Variants in USP8 observed in about 807,000 individuals in gnomAD.
USP8 encodes the protein ubiquitin specific peptidase 8.
Under a neutral mutation model 130.0 loss-of-function variants are expected in USP8, and 27 were observed. The observed-to-expected ratio is 0.21, with a 90% CI of 0.15 to 0.29. USP8 has a LOEUF of 0.29. Ranked by LOEUF, USP8 falls within the 10% of genes least tolerant of loss-of-function variation. USP8 has a pLI of 1.00. For synonymous variants in USP8, 392 were observed against 444.1 expected, an observed-to-expected ratio of 0.88 and a Z score of 1.48; for missense variants, 1,029 against 1,312.2, an observed-to-expected ratio of 0.78 and a Z score of 3.33.
chr15:50,442,573 A>G (rs2050295398), intron 3 of USP8, among the ~76,000 whole-genome samples: 1 of 150,040 alleles, frequency 6.7e-6, no homozygotes, highest in Non-Finnish European at 1.5e-5. Context: ...GTGAAACCCC[A>G]TCTGTACTAA....
At position 50,511,309 on chromosome 15, in the gene USP8, A is replaced by T. The variant is rs2052736961; in HGVS notation, c.*12221A>T. Reference sequence around the variant, plus strand: ...GAGGATGTGGGGAAACTGGAACCTTAGTTCCAGTTGCTGGTGGGAACGTAA... The same window carrying T: ...GAGGATGTGGGGAAACTGGAACCTTTGTTCCAGTTGCTGGTGGGAACGTAA... On this transcript the variant is annotated 3_prime_UTR_variant, in exon 20 of 20. Transcript: ENST00000307179. 6.6e-6 allele frequency: 1 copy of T among 152,180 alleles called. No homozygotes were observed. Among genetic ancestry groups the T allele is most frequent in the African/African-American group, 2.4e-5 (1 of 41,450 alleles). 9.4% of individuals were successfully genotyped at this position (152,180 alleles called of 1,614,324 possible).
intron 4 of USP8, among the ~76,000 whole-genome samples, chr15:50,455,372 CCAGCCCAATTCTAGAATTTCTGTG>C (rs2050758431): frequency 1.3e-5 from 2 of 151,604 alleles, no homozygotes; most frequent in East Asian, 2.0e-4. Flanking sequence ...GCCACTGCGC[CCAGCCCAATTCTAGAATTTCTGTG>C]TGGTTCTTTT....
chr15:50,491,090 T>G (rs554431941), intron 14 of USP8, among the ~76,000 whole-genome samples: 42 of 152,342 alleles, frequency 2.8e-4, no homozygotes, highest in African/African-American at 9.4e-4. Context: ...TTAGCTATAC[T>G]TCTGGCTTCG....
At chr15:50,491,038 C>T (rs898466166) in intron 14 of USP8, among the ~76,000 whole-genome samples, 1 of 152,062 alleles carries the variant, frequency 6.6e-6, no homozygotes, top group Non-Finnish European at 1.5e-5. Flanking sequence ...ATTCTGTTTA[C>T]AAATATTGAC....
rs941161267 is a variant in USP8 at position 50,441,470 on chromosome 15, A to G, written c.226A>G (p.Arg76Gly). ...YVTVYNLIKK[R>G]PDFKQQQDYF... ...GACTGTTTATAATCTTATCAAAAAA[A>G]GACCTGATTTCAAGCAACAGCAGGT... Residue 76 changes from arginine to glycine, a missense_variant, in exon 3 of 20, where the codon AGA becomes GGA. Arg to Gly is a moderately radical substitution (Grantham distance 125). Around this residue, in one of 4 missense-constraint regions of USP8, gnomAD observed 281 missense variants for 336.7 expected, o/e 0.83. Coordinates refer to ENST00000307179, the MANE Select transcript of USP8 (RefSeq NM_005154.5). The G allele has an allele frequency of 1.3e-6, 2 of 1,575,704 alleles. No individual in the cohort carries two copies. Among genetic ancestry groups the G allele is most frequent in the African/African-American group, 2.8e-5 (2 of 72,340 alleles).
At position 50,500,725 on chromosome 15, in the gene USP8, G is replaced by T. The variant is rs1486203794; in HGVS notation, c.*1637G>T. ...CAGGAGATCCATAGCATTTTGAACA[G>T]AAGTATCTGGAATCTCACTGACTCG... On this transcript the variant is annotated 3_prime_UTR_variant, in exon 20 of 20. Coordinates refer to ENST00000307179, the MANE Select transcript of USP8 (RefSeq NM_005154.5). 2.0e-6 allele frequency: 3 copies of T among 1,532,952 alleles called. No homozygotes were observed. The East Asian group carries it at 7.2e-5, about 37-fold the overall frequency. 95.0% of individuals were successfully genotyped at this position (1,532,952 alleles called of 1,614,324 possible). A position where few individuals can be genotyped will look rare whatever the true frequency, so the allele number is the denominator to read the frequency against.
chr15:50,476,867 C>A lies in USP8; in HGVS notation c.868C>A (p.Leu290Met). 23 of 1,583,828 alleles carry A rather than the reference C, an allele frequency of 1.5e-5. No homozygotes were observed. Among genetic ancestry groups the A allele is most frequent in the Non-Finnish European group, 1.9e-5 (22 of 1,173,362 alleles). The change falls in exon 9 of 20, where the codon CTG becomes ATG. Residue 290 changes from leucine (L) to methionine (M), a missense_variant. Around this residue, in one of 4 missense-constraint regions of USP8, gnomAD observed 281 missense variants for 336.7 expected, o/e 0.83. Coordinates refer to ENST00000307179, the MANE Select transcript of USP8 (RefSeq NM_005154.5). The part of the protein sequence containing the change: ...ALFKWESKTV[L>M]RNEPLVLEGG... ...TTTATAGTGGGAAAGTAAAACTGTC[C>A]TGCGCAATGAGCCTTTGGTTTTAGA...
intron 4 of USP8, chr15:50,458,477 A>C (rs1470139675): frequency 6.4e-6 from 1 of 156,962 alleles, no homozygotes; most frequent in African/African-American, 2.4e-5. Context: ...GAATAGTTCT[A>C]AATTCCTCAG....
intron 8 of USP8, 75 bp from the exon 9 acceptor site, chr15:50,476,774 A>G (rs146266605): frequency 0.011 from 16,103 of 1,440,958 alleles, 149 homozygotes; most frequent in Middle Eastern, 0.039. Flanking sequence ...GAACAACTTT[A>G]AAATTTAGAT....
chr15:50,484,343 C>T lies in USP8; in HGVS notation c.1872C>T (p.Asp624=), dbSNP rs375855680. Residue 624 remains aspartate (D), a synonymous_variant, in exon 12 of 20, where the codon GAC becomes GAT. Coordinates refer to ENST00000307179, the MANE Select transcript of USP8 (RefSeq NM_005154.5). ...CAGGAACTTTTAGAGAGGATACAGA[C>T]GATACCGAAAGAAATAAAGTAAGTA... ...LRTGTFREDT[D]DTERNKAQRE... is the part of the protein sequence containing the mutation. 64 of 1,610,772 alleles carry T rather than the reference C, an allele frequency of 4.0e-5. No individual in the cohort carries two copies. Among genetic ancestry groups the T allele is most frequent in the African/African-American group, 3.1e-4 (23 of 74,542 alleles).
At chr15:50,462,767 G>C (rs1307010542) in intron 6 of USP8, among the ~76,000 whole-genome samples, 1 of 152,018 alleles carries the variant, frequency 6.6e-6, no homozygotes, top group East Asian at 1.9e-4. Flanking sequence ...GATAATAATA[G>C]TACTTATTTC....
intron 5 of USP8, among the ~76,000 whole-genome samples, chr15:50,460,301 C>CTTTT (rs1168064692): frequency 7.5e-4 from 58 of 77,372 alleles, no homozygotes; most frequent in Non-Finnish European, 8.5e-4. Flanking sequence ...CCTGGCTCTT[C>CTTTT]TTTTTTTTTT....
In USP8 at chr15:50,500,812, C is replaced by G. The variant is rs75814199; in HGVS notation, c.*1724C>G. The G allele has an allele frequency of 1.3e-3, 2,000 of 1,587,720 alleles. 27 individuals carry two copies. The African/African-American group carries it at 0.024, about 19-fold the overall frequency. On this transcript the variant is annotated 3_prime_UTR_variant, in exon 20 of 20. Coordinates refer to ENST00000307179, the MANE Select transcript of USP8 (RefSeq NM_005154.5). Reference sequence around the variant, plus strand: ...ATTCTTGCAGAAAGCAGTGTAGTGGCCACCATCCAAATCACCAAAATGGTT... The same window carrying G: ...ATTCTTGCAGAAAGCAGTGTAGTGGGCACCATCCAAATCACCAAAATGGTT...
At chr15:50,455,223 A>C (rs555771687) in intron 4 of USP8, among the ~76,000 whole-genome samples, 1 of 151,228 alleles carries the variant, frequency 6.6e-6, no homozygotes, top group South Asian at 2.1e-4. Flanking sequence ...CTACAGATGC[A>C]CACCACCAGG....
chr15:50,440,446 A>G (rs931259897), intron 2 of USP8, among the ~76,000 whole-genome samples: 4 of 152,194 alleles, frequency 2.6e-5, no homozygotes, highest in African/African-American at 9.6e-5. Flanking sequence ...CCTTTTTGGC[A>G]CCAGGGACTG....
intron 3 of USP8, among the ~76,000 whole-genome samples, chr15:50,448,580 C>T (rs1172092311): frequency 1.3e-5 from 2 of 151,154 alleles, no homozygotes. Context: ...AGTGCAGTGG[C>T]GCAATCTCGG....
chr15:50,477,092 T>C lies in USP8; in HGVS notation c.994+99T>C. Reference sequence around the variant, plus strand: ...CTTGGTTGTGTGTGTATTTGTCCTATTAGAGAGCAGTTTGTTTTCAGGCAT... The same window carrying C: ...CTTGGTTGTGTGTGTATTTGTCCTACTAGAGAGCAGTTTGTTTTCAGGCAT... On this transcript the variant is annotated intron_variant, in intron 9 of 19. Transcript: ENST00000307179. The C allele has an allele frequency of 2.0e-6, 3 of 1,478,840 alleles. No individual in the cohort carries two copies. The South Asian group carries it at 3.8e-5, about 19-fold the overall frequency. The allele number at this position is 1,478,840 out of a possible 1,614,324, so 91.6% of individuals were successfully genotyped here.
At chr15:50,488,299 C>CA (rs2052031406) in intron 12 of USP8, among the ~76,000 whole-genome samples, 1 of 152,120 alleles carries the variant, frequency 6.6e-6, no homozygotes, top group Non-Finnish European at 1.5e-5. Flanking sequence ...GGATCTAAAT[C>CA]CATCTTTTTG....
In USP8 at chr15:50,500,530, C is replaced by A. The variant is rs1332941121; in HGVS notation, c.*1442C>A. 2.3e-6 allele frequency: 1 copy of A among 432,324 alleles called. No individual in the cohort carries two copies. The highest frequency in any genetic ancestry group is 4.3e-6 in the Non-Finnish European group (1 of 233,502). 26.8% of individuals were successfully genotyped at this position (432,324 alleles called of 1,614,324 possible). On this transcript the variant is annotated 3_prime_UTR_variant, in exon 20 of 20. Coordinates refer to ENST00000307179, the MANE Select transcript of USP8 (RefSeq NM_005154.5). ...TTAAGATGAAAGGTTGTATAACATG[C>A]CCACAAGGCATAAAAATGTTAATGA... is the stretch of plus-strand genomic sequence containing the variant.
Sources: gnomAD v4.1 joint callset for allele counts (sites outside exome capture counted in the v4.1 genomes callset) on GRCh38, gnomAD v4.1.1 for gene constraint, gnomAD v4.1.1 regional missense constraint, MANE v1.5 for transcripts, NCBI Gene and HGNC (gene_info 2026-07-23, HGNC 2026-07-21) for gene names.